Variants in KIAA0586 observed in about 807,000 individuals in gnomAD.
The protein encoded by KIAA0586 is KIAA0586.
KIAA0586 carries 144 observed loss-of-function variants against 169.8 expected under a neutral mutation model. The ratio of observed to expected loss-of-function variants is 0.85; its 90% CI spans 0.74 to 0.97. The LOEUF (loss-of-function observed/expected upper bound fraction) is 0.97. KIAA0586 is among the 50% of genes least tolerant of loss of function. The pLI, the probability that KIAA0586 is intolerant of heterozygous loss-of-function variation, is 0.00. For synonymous variants in KIAA0586, 625 were observed against 612.4 expected (o/e 1.02, Z -0.30); for missense variants, 1,854 against 1,823.0 (o/e 1.02, Z -0.31).
chr14:58,444,181 T>C lies in KIAA0586; in HGVS notation c.807+6T>C, dbSNP rs2038657055. On this transcript the variant is annotated splice_donor_region_variant and intron_variant, in intron 6 of 30. Coordinates refer to ENST00000652326, the MANE Select transcript of KIAA0586 (RefSeq NM_001329943.3). ...AACAACAAATAGATATTCAGGTATC[T>C]GTAATAAATCCAGTACAGATTCCAT... 6.4e-7 allele frequency: 1 copy of C among 1,566,428 alleles called. No individual in the cohort carries two copies. The highest frequency in any genetic ancestry group is 2.2e-5 in the East Asian group (1 of 44,608).
At position 58,467,806 on chromosome 14, in the gene KIAA0586, G is replaced by A. The variant is rs2040883155; in HGVS notation, c.2326G>A (p.Val776Met). The change falls in exon 16 of 31, where the codon GTG (valine) becomes ATG (methionine). Residue 776 changes from valine (V) to methionine (M), a missense_variant. Physicochemically the swap from Val to Met is conservative, Grantham distance 21 (BLOSUM62 1). Transcript: ENST00000652326. ...TGTCAGCAAGCCACACCCTGTAACTGTGACTACTTCTATTCCTCCATCATC... is the reference window on the plus strand; with the variant it reads ...TGTCAGCAAGCCACACCCTGTAACTATGACTACTTCTATTCCTCCATCATC... Reference protein sequence around the residue: ...VIVSKPHPVTVTTSIPPSSRK... With the variant: ...VIVSKPHPVTMTTSIPPSSRK... 1 of 1,613,708 alleles carries A rather than the reference G, an allele frequency of 6.2e-7. No homozygotes were observed. The highest frequency in any genetic ancestry group is 8.5e-7 in the Non-Finnish European group (1 of 1,179,698).
chr14:58,458,501 A>G lies in KIAA0586; in HGVS notation c.1612A>G (p.Lys538Glu). 6.5e-7 allele frequency: 1 copy of G among 1,546,906 alleles called. No homozygotes were observed. The highest frequency in any genetic ancestry group is 8.7e-7 in the Non-Finnish European group (1 of 1,143,492). ...GATGTCAGAGAAAATTAGGATCAGA[A>G]AGACAGTGGATGAATGGATTAAAAC... ...REMSEKIRIR[K>E]TVDEWIKTIS... is the part of the protein sequence containing the mutation. The change falls in exon 12 of 31, where the codon AAG (lysine) becomes GAG (glutamate). Residue 538 changes from lysine (K) to glutamate (E), a missense_variant. Lys to Glu is a moderately conservative substitution (Grantham distance 56). Coordinates refer to ENST00000652326, the MANE Select transcript of KIAA0586 (RefSeq NM_001329943.3).
At position 58,430,733 on chromosome 14, in the gene KIAA0586, T is replaced by A; in HGVS notation, c.340+16T>A. ...AAGCAAAAAGGTAAAAGAATAATATTGATTTTTTTAAATTGTGACAACATA... is the reference window on the plus strand; with the variant it reads ...AAGCAAAAAGGTAAAAGAATAATATAGATTTTTTTAAATTGTGACAACATA... On this transcript the variant is annotated intron_variant, in intron 3 of 30. Coordinates refer to ENST00000652326, the MANE Select transcript of KIAA0586 (RefSeq NM_001329943.3). 6.8e-7 allele frequency: 1 copy of A among 1,480,308 alleles called. No homozygotes were observed. The highest frequency in any genetic ancestry group is 9.4e-7 in the Non-Finnish European group (1 of 1,066,452). The allele number at this position is 1,480,308 out of a possible 1,614,324, so 91.7% of individuals were successfully genotyped here. A position where few individuals can be genotyped will look rare whatever the true frequency, so the allele number is the denominator to read the frequency against.
chr14:58,454,791 T>G (rs1328426217), intron 9 of KIAA0586, among the ~76,000 whole-genome samples: 1 of 152,214 alleles, frequency 6.6e-6, no homozygotes, highest in Non-Finnish European at 1.5e-5. Flanking sequence ...TGCTGTCTCT[T>G]CACATGGTCA....
the KIAA0586 span, among the ~76,000 whole-genome samples, chr14:58,557,462 A>G: frequency 3.3e-5 from 5 of 152,222 alleles, no homozygotes; most frequent in Non-Finnish European, 7.3e-5. Flanking sequence ...TGTGGAATGC[A>G]AAAAGCTGGT....
In KIAA0586 at chr14:58,427,773, G is replaced by C; in HGVS notation, c.-492G>C. The C allele has an allele frequency of 6.6e-7, 1 of 1,525,616 alleles. No individual in the cohort carries two copies. The highest frequency in any genetic ancestry group is 2.0e-5 in the Admixed American group (1 of 49,810). 94.5% of individuals were successfully genotyped at this position (1,525,616 alleles called of 1,614,324 possible). On this transcript the variant is annotated 5_prime_UTR_variant, in exon 1 of 31. Transcript: ENST00000652326. ...CGGGTCTCGGGCGTTCTGGAGATAC[G>C]TAGGGGTGAATTTATGTTTCCGACG...
At chr14:58,432,253 G>A (rs2037438431) in intron 3 of KIAA0586, 135 bp from the exon 4 acceptor site, 1 of 589,160 alleles carries the variant, frequency 1.7e-6, no homozygotes, top group Admixed American at 3.6e-5. Context: ...TTTGTTCCTT[G>A]TCCTTTTCGA....
At chr14:58,468,106 C>G (rs1388068911) in intron 16 of KIAA0586, among the ~76,000 whole-genome samples, 184 bp downstream of exon 16, 3 of 152,112 alleles carry the variant, frequency 2.0e-5, no homozygotes, top group Non-Finnish European at 4.4e-5. Flanking sequence ...AGGGCAATGG[C>G]GCAATCTCGG....
intron 26 of KIAA0586, among the ~76,000 whole-genome samples, chr14:58,497,854 G>C (rs1039642059): frequency 1.4e-5 from 2 of 144,524 alleles, no homozygotes; most frequent in African/African-American, 5.1e-5. Context: ...ATGCATACCA[G>C]CATTTAGTGG....
chr14:58,443,124 C>T (rs1337946779), intron 5 of KIAA0586, among the ~76,000 whole-genome samples: 1 of 152,226 alleles, frequency 6.6e-6, no homozygotes, highest in Non-Finnish European at 1.5e-5. Context: ...GAGAGTCCTA[C>T]ATCCTGGGAA....
chr14:58,455,183 T>TA (rs1276522373), intron 9 of KIAA0586, among the ~76,000 whole-genome samples: 1 of 152,190 alleles, frequency 6.6e-6, no homozygotes, highest in Non-Finnish European at 1.5e-5. Context: ...GTTTGTCTTT[T>TA]AAAAAAATGT....
At chr14:58,480,252 G>T in intron 20 of KIAA0586, among the ~76,000 whole-genome samples, 1 of 150,778 alleles carries the variant, frequency 6.6e-6, no homozygotes, top group East Asian at 1.9e-4. Flanking sequence ...TTTACTGTAT[G>T]GCTCAAGCAT....
In KIAA0586 at chr14:58,534,381, T is replaced by C. The variant is rs1033103395; in HGVS notation, c.4430-5690T>C. ...ATATGGTTGAGTTTAAGTGTAGTTA[T>C]GATATTATTGCTTAATAGACATAAA... is the stretch of plus-strand genomic sequence containing the variant. On this transcript the variant is annotated intron_variant, in intron 29 of 30. Transcript: ENST00000652326. 2.6e-5 allele frequency among the ~76,000 whole-genome samples: 4 copies of C among 152,352 alleles called. 1 individual carries two copies.
intron 27 of KIAA0586, among the ~76,000 whole-genome samples, chr14:58,500,765 C>T (rs2043512188): frequency 6.7e-6 from 1 of 149,862 alleles, no homozygotes; most frequent in South Asian, 2.2e-4. Flanking sequence ...TACTTCAGCA[C>T]TAAGGGGCCA....
intron 27 of KIAA0586, among the ~76,000 whole-genome samples, chr14:58,508,299 G>C (rs2044143223): frequency 6.6e-6 from 1 of 152,212 alleles, no homozygotes; most frequent in Non-Finnish European, 1.5e-5. Context: ...CAGATGAACT[G>C]CATGGGCAAC....
At chr14:58,457,433 A>G (rs2039961067) in intron 10 of KIAA0586, among the ~76,000 whole-genome samples, 2 of 151,922 alleles carry the variant, frequency 1.3e-5, no homozygotes, top group Admixed American at 1.3e-4. Context: ...ACACCTGGCT[A>G]ATTTTTGTAT....
chr14:58,456,943 G>A, intron 10 of KIAA0586, 133 bp downstream of exon 10: 1 of 612,568 alleles, frequency 1.6e-6, no homozygotes, highest in Admixed American at 2.9e-5. Context: ...AGCCACATCT[G>A]TTCCATTTAT....
chr14:58,525,633 C>G (rs948122297), intron 29 of KIAA0586, among the ~76,000 whole-genome samples: 1 of 152,188 alleles, frequency 6.6e-6, no homozygotes, highest in African/African-American at 2.4e-5. Flanking sequence ...AACTGGGCAG[C>G]CATTTGGGCA....
chr14:58,462,246 CTTTTTTTTT>C (rs10597707), intron 14 of KIAA0586, among the ~76,000 whole-genome samples: 1 of 89,460 alleles, frequency 1.1e-5, no homozygotes, highest in Non-Finnish European at 2.3e-5. Context: ...TGTAGTTTTG[CTTTTTTTTT>C]TTTTTTTTTT....
Sources: allele counts gnomAD v4.1 joint callset (sites outside exome capture counted in the v4.1 genomes callset), GRCh38; gene constraint gnomAD v4.1.1; transcripts MANE v1.5; gene names NCBI Gene and HGNC (gene_info 2026-07-23, HGNC 2026-07-21).